Variants in LMO7 observed in about 807,000 individuals in gnomAD.
The protein encoded by LMO7 is LIM domain only protein 7.
Under a neutral mutation model 206.5 loss-of-function variants are expected in LMO7, and 120 were observed. That is an observed-to-expected ratio of 0.58 (90% CI 0.50 to 0.68). The LOEUF (loss-of-function observed/expected upper bound fraction) is 0.68, where lower values mean the gene tolerates loss of function less well. Ranked by LOEUF, LMO7 falls within the 30% of genes least tolerant of loss-of-function variation. LMO7 has a pLI of 0.00. For missense variants in LMO7, 1,959 were observed against 1,957.9 expected, an observed-to-expected ratio of 1.00 and a Z score of -0.01; for synonymous variants, 706 against 681.5, an observed-to-expected ratio of 1.04 and a Z score of -0.56.
At chr13:75,732,507 A>G (rs1200437881) in intron 3 of LMO7, among the ~76,000 whole-genome samples, 1 of 152,036 alleles carries the variant, frequency 6.6e-6, no homozygotes, top group Non-Finnish European at 1.5e-5. Context: ...TGTATTGGTT[A>G]TTCTAGTTAT....
In LMO7 at chr13:75,804,332, G is replaced by A; in HGVS notation, c.705G>A (p.Gln235=). ...ATTCGGAATTTACATTTAAGATGCAGGATTATAATAAAGATGATATGTCGT... is the reference window on the plus strand; with the variant it reads ...ATTCGGAATTTACATTTAAGATGCAAGATTATAATAAAGATGATATGTCGT... ...DTDSEFTFKM[Q]DYNKDDMSYR... The change falls in exon 8 of 31, where the codon CAG becomes CAA. Residue 235 remains glutamine, a synonymous_variant. Transcript: ENST00000377534. 6.2e-7 allele frequency: 1 copy of A among 1,613,846 alleles called. No homozygotes were observed. The highest frequency in any genetic ancestry group is 8.5e-7 in the Non-Finnish European group (1 of 1,179,752).
chr13:75,851,424 A>T (rs1247550042), intron 27 of LMO7, among the ~76,000 whole-genome samples: 1 of 152,226 alleles, frequency 6.6e-6, no homozygotes, highest in Non-Finnish European at 1.5e-5. Context: ...GTCTGGAAGG[A>T]CACACAAGTA....
At chr13:75,857,846 G>C in intron 30 of LMO7, 75 bp from the exon 31 acceptor site, 1 of 997,116 alleles carries the variant, frequency 1.0e-6, no homozygotes, top group South Asian at 1.6e-5. Context: ...AGTGATGACT[G>C]CTATGTATCC....
intron 3 of LMO7, among the ~76,000 whole-genome samples, chr13:75,742,797 C>T (rs2761398): frequency 6.6e-6 from 1 of 151,982 alleles, no homozygotes; most frequent in African/African-American, 2.4e-5. Context: ...CAATAACATT[C>T]TGGACATAGG....
intron 1 of LMO7, among the ~76,000 whole-genome samples, chr13:75,661,609 C>T (rs1382421336): frequency 1.3e-5 from 2 of 152,174 alleles, no homozygotes; most frequent in Non-Finnish European, 2.9e-5. Context: ...GAGTTCCAGC[C>T]ACTGCCACCT....
At chr13:75,713,521 G>T (rs1172239796) in intron 2 of LMO7, among the ~76,000 whole-genome samples, 1 of 152,184 alleles carries the variant, frequency 6.6e-6, no homozygotes, top group Admixed American at 6.5e-5. Context: ...TGGTGGGCCA[G>T]TGGGGGGTGG....
Position 75,704,606 on chromosome 13 carries a change from T to A in LMO7, c.70-8576T>A, listed in dbSNP as rs146282560. On this transcript the variant is annotated intron_variant, in intron 1 of 30. Coordinates refer to ENST00000377534, the MANE Select transcript of LMO7 (RefSeq NM_001306080.2). Reference sequence around the variant, plus strand: ...GGATTCTAGGCACCTTTTAAATGGCTGCTTAAAAGAAATTGAAAAAGTTAA... The same window carrying A: ...GGATTCTAGGCACCTTTTAAATGGCAGCTTAAAAGAAATTGAAAAAGTTAA... Among the ~76,000 whole-genome samples the A allele has an allele frequency of 3.1e-3, 476 of 152,342 alleles. 3 individuals are homozygous for A. Among genetic ancestry groups the A allele is most frequent in the African/African-American group, 0.011 (465 of 41,582 alleles).
chr13:75,737,853 A>AAAAAC (rs1555305876), intron 3 of LMO7, among the ~76,000 whole-genome samples: 10 of 145,676 alleles, frequency 6.9e-5, no homozygotes, highest in African/African-American at 2.5e-4. Context: ...AAAAAAAAAA[A>AAAAAC]AAAAAAAAAA....
At chr13:75,730,788 A>G (rs2045102705) in intron 3 of LMO7, among the ~76,000 whole-genome samples, 1 of 125,784 alleles carries the variant, frequency 8.0e-6, no homozygotes, top group Admixed American at 7.6e-5. Flanking sequence ...TTCCCTCTAC[A>G]CACTGCTTTG....
chr13:75,781,500 G>A (rs894885589), intron 4 of LMO7, among the ~76,000 whole-genome samples: 14 of 151,868 alleles, frequency 9.2e-5, no homozygotes, highest in African/African-American at 3.4e-4. Context: ...GTGTATATGT[G>A]ACACATTTTC....
chr13:75,693,169 T>G (rs2041628745), intron 1 of LMO7, among the ~76,000 whole-genome samples: 1 of 152,200 alleles, frequency 6.6e-6, no homozygotes, highest in Admixed American at 6.5e-5. Context: ...TACAATGGCC[T>G]GGAATATCAG....
At chr13:75,672,279 T>C (rs1177529752) in intron 1 of LMO7, among the ~76,000 whole-genome samples, 1 of 151,380 alleles carries the variant, frequency 6.6e-6, no homozygotes, top group Non-Finnish European at 1.5e-5. Flanking sequence ...TTTGCTCTTG[T>C]TGCCCAGGCT....
intron 17 of LMO7, among the ~76,000 whole-genome samples, chr13:75,834,666 A>C (rs1304261239): frequency 6.6e-6 from 1 of 152,190 alleles, no homozygotes; most frequent in Non-Finnish European, 1.5e-5. Context: ...ATGTATCTGC[A>C]TCCAGGAGTT....
chr13:75,853,493 C>T, intron 28 of LMO7, 105 bp downstream of exon 28: 2 of 1,105,096 alleles, frequency 1.8e-6, no homozygotes, highest in South Asian at 3.4e-5. Context: ...GAAAAAGAAG[C>T]CCTTTTGAAT....
chr13:75,780,758 GAA>G (rs2051208132), intron 4 of LMO7, among the ~76,000 whole-genome samples: 1 of 152,186 alleles, frequency 6.6e-6, no homozygotes, highest in Non-Finnish European at 1.5e-5. Context: ...ACAGGTGTAA[GAA>G]ATTATAAAAG....
intron 15 of LMO7, among the ~76,000 whole-genome samples, chr13:75,828,149 G>A (rs1319110797): frequency 6.6e-6 from 1 of 152,190 alleles, no homozygotes; most frequent in African/African-American, 2.4e-5. Context: ...GCCGGCACTT[G>A]TATTATGTTT....
At position 75,821,525 on chromosome 13, in the gene LMO7, T is replaced by C; in HGVS notation, c.2556T>C (p.Asp852=). 1 of 1,614,010 alleles carries C rather than the reference T, an allele frequency of 6.2e-7. No individual in the cohort carries two copies. The highest frequency in any genetic ancestry group is 8.5e-7 in the Non-Finnish European group (1 of 1,179,890). Residue 852 remains aspartate (D), a synonymous_variant, in exon 14 of 31, where the codon GAT becomes GAC. Transcript: ENST00000377534. The part of the protein sequence containing the change: ...ASLPRSYRKT[D]TVRLTSVVTP... ...TCCCCAGAAGTTACCGGAAAACTGA[T>C]ACAGTCAGGTTAACATCTGTGGTCA... is the stretch of plus-strand genomic sequence containing the variant.
At chr13:75,846,335 A>G (rs1425350176) in intron 26 of LMO7, among the ~76,000 whole-genome samples, 2 of 152,142 alleles carry the variant, frequency 1.3e-5, no homozygotes, top group African/African-American at 4.8e-5. Context: ...ATCTGGTTCT[A>G]GTTTAACTTT....
chr13:75,748,899 C>T (rs758863602), intron 3 of LMO7, among the ~76,000 whole-genome samples: 5 of 151,728 alleles, frequency 3.3e-5, no homozygotes, highest in African/African-American at 4.8e-5. Flanking sequence ...CAACCTCCTC[C>T]TCCTGGGCTC....
Sources: gnomAD v4.1 joint callset for allele counts (sites outside exome capture counted in the v4.1 genomes callset) on GRCh38, gnomAD v4.1.1 for gene constraint, MANE v1.5 for transcripts, NCBI Gene and HGNC (gene_info 2026-07-23, HGNC 2026-07-21) for gene names.